WDR43: variants seen among roughly 807,000 people sequenced by gnomAD.
The protein encoded by WDR43 is WD repeat-containing protein 43.
A neutral mutation model predicts 91.4 loss-of-function variants in WDR43; 13 were observed. The observed-to-expected ratio is 0.14, with a 90% CI of 0.09 to 0.23. The LOEUF (loss-of-function observed/expected upper bound fraction) is 0.23, where lower values mean the gene tolerates loss of function less well. WDR43 is among the 10% of genes least tolerant of loss of function. The probability of loss-of-function intolerance (pLI) is 1.00; values close to 1 mark genes in which losing one functional copy is unlikely to be tolerated. For synonymous variants in WDR43, 331 were observed against 287.9 expected (o/e 1.15, Z -1.51); for missense variants, 780 against 809.4 (o/e 0.96, Z 0.44).
At chr2:28,911,452 C>G (rs1215118525) in intron 3 of WDR43, among the ~76,000 whole-genome samples, 2 of 151,988 alleles carry the variant, frequency 1.3e-5, no homozygotes, top group South Asian at 4.2e-4. Context: ...CTCCATCATG[C>G]CTGGCTAATT....
At chr2:28,914,348 C>A in intron 5 of WDR43, 140 bp downstream of exon 5, 3 of 1,120,950 alleles carry the variant, frequency 2.7e-6, no homozygotes, top group South Asian at 2.2e-5. Context: ...AAAAATTGAG[C>A]CTGCCTACAA....
chr2:28,903,626 G>C lies in WDR43; in HGVS notation c.363+1502G>C, dbSNP rs368311177. ...GCATTCAGAGATCCATCTCAAGAAA[G>C]CATTCTTCCCTATATTCTTCCCCCC... On this transcript the variant is annotated intron_variant, in intron 2 of 17. Transcript: ENST00000407426. Among the ~76,000 whole-genome samples, 27 of 152,294 alleles carry C rather than the reference G, an allele frequency of 1.8e-4. No homozygotes were observed. In the East Asian group the frequency reaches 4.4e-3, roughly 25 times the overall value.
At position 28,908,532 on chromosome 2, in the gene WDR43, T is replaced by G. The variant is rs141537998; in HGVS notation, c.485+1951T>G. ...AGGTCACAAAGATAGGTCCTTCACA[T>G]AGGGACTAGTAATGTTCAAAGAGCC... is the stretch of plus-strand genomic sequence containing the variant. On this transcript the variant is annotated intron_variant, in intron 3 of 17. Transcript: ENST00000407426. Among the ~76,000 whole-genome samples, 209 of 152,294 alleles carry G rather than the reference T, an allele frequency of 1.4e-3. 1 individual carries two copies. Among genetic ancestry groups the G allele is most frequent in the African/African-American group, 4.4e-3 (184 of 41,550 alleles).
Position 28,939,923 on chromosome 2 carries a change from C to T in WDR43, c.1621-1538C>T, listed in dbSNP as rs982348644. On this transcript the variant is annotated intron_variant, in intron 14 of 17. Coordinates refer to ENST00000407426, the MANE Select transcript of WDR43 (RefSeq NM_015131.3). ...GAGATCAAGACCATCCTTTCTAACA[C>T]GGTGAAACCCCGTCTCTACTAAAAA... Among the ~76,000 whole-genome samples the T allele has an allele frequency of 9.2e-5, 14 of 151,750 alleles. No individual in the cohort carries two copies. The South Asian group carries it at 1.0e-3, about 11-fold the overall frequency.
intron 3 of WDR43, among the ~76,000 whole-genome samples, chr2:28,909,712 A>G (rs1670753173): frequency 6.6e-6 from 1 of 152,100 alleles, no homozygotes; most frequent in Admixed American, 6.6e-5. Context: ...CCTCTCTACA[A>G]AAATGAAAAA....
At chr2:28,906,169 G>A (rs77251620) in intron 2 of WDR43, among the ~76,000 whole-genome samples, 1 of 151,806 alleles carries the variant, frequency 6.6e-6, no homozygotes. Flanking sequence ...TTAAAAAAAA[G>A]AAGAGTTGAC....
At chr2:28,932,684 A>G (rs555515341) in intron 11 of WDR43, among the ~76,000 whole-genome samples, 7 of 152,360 alleles carry the variant, frequency 4.6e-5, no homozygotes, top group Admixed American at 3.3e-4. Flanking sequence ...TGACAGGGAT[A>G]CAACATGGCA....
intron 16 of WDR43, among the ~76,000 whole-genome samples, chr2:28,945,012 T>C (rs778529715): frequency 1.3e-5 from 2 of 152,186 alleles, no homozygotes; most frequent in Non-Finnish European, 2.9e-5. Flanking sequence ...GGAACACATA[T>C]TGGGGGAACT....
In WDR43 at chr2:28,915,826, A is replaced by G. The variant is rs573476708; in HGVS notation, c.746+1618A>G. On this transcript the variant is annotated intron_variant, in intron 5 of 17. Transcript: ENST00000407426. ...ATACTGTGCAGTGGTCTGATGGCAGAGATTTTGAGCATACATGAATGACTT... is the reference window on the plus strand; with the variant it reads ...ATACTGTGCAGTGGTCTGATGGCAGGGATTTTGAGCATACATGAATGACTT... Among the ~76,000 whole-genome samples, 21 of 152,324 alleles carry G rather than the reference A, an allele frequency of 1.4e-4. No homozygotes were observed. The South Asian group carries it at 3.5e-3, about 26-fold the overall frequency.
At chr2:28,915,588 A>T (rs1158352995) in intron 5 of WDR43, among the ~76,000 whole-genome samples, 21 of 152,232 alleles carry the variant, frequency 1.4e-4, no homozygotes, top group Admixed American at 1.4e-3. Context: ...AAAATTAACC[A>T]CACACACAAA....
At position 28,926,445 on chromosome 2, in the gene WDR43, C is replaced by T. The variant is rs1395327500; in HGVS notation, c.1087-23C>T. ...TTTTTTTCTTTCCTCTCATCTTCCC[C>T]TTTAAAAAAAATATATTTTCAGGCT... On this transcript the variant is annotated intron_variant, in intron 8 of 17. Transcript: ENST00000407426. The T allele has an allele frequency of 3.3e-6, 5 of 1,493,574 alleles. No homozygotes were observed. In the African/African-American group the frequency reaches 7.0e-5, roughly 21 times the overall value. 92.5% of individuals were successfully genotyped at this position (1,493,574 alleles called of 1,614,324 possible).
chr2:28,933,438 A>G (rs746446007), intron 11 of WDR43, among the ~76,000 whole-genome samples: 2 of 152,244 alleles, frequency 1.3e-5, no homozygotes, highest in African/African-American at 2.4e-5. Context: ...CTTCTGGGAA[A>G]AAACAGGAGA....
chr2:28,894,682 G>C lies in WDR43; in HGVS notation c.-17G>C, dbSNP rs764309718. On this transcript the variant is annotated 5_prime_UTR_variant, in exon 1 of 18. Coordinates refer to ENST00000407426, the MANE Select transcript of WDR43 (RefSeq NM_015131.3). ...GCGCACGGACGAACACGTGGCTGCA[G>C]CGGGGCCAGAGCAGCAATGGCGGCG... The C allele has an allele frequency of 1.3e-6, 2 of 1,543,666 alleles. No individual in the cohort carries two copies. Among genetic ancestry groups the C allele is most frequent in the East Asian group, 2.4e-5 (1 of 41,076 alleles).
Position 28,901,881 on chromosome 2 carries a change from C to A in WDR43, c.226-106C>A, listed in dbSNP as rs974509523. 8 of 1,115,590 alleles carry A rather than the reference C, an allele frequency of 7.2e-6. No homozygotes were observed. In the African/African-American group the frequency reaches 8.1e-5, roughly 11 times the overall value. The allele number at this position is 1,115,590 out of a possible 1,614,324, so 69.1% of individuals were successfully genotyped here. A position where few individuals can be genotyped will look rare whatever the true frequency, so the allele number is the denominator to read the frequency against. On this transcript the variant is annotated intron_variant, in intron 1 of 17. Coordinates refer to ENST00000407426, the MANE Select transcript of WDR43 (RefSeq NM_015131.3). ...TCACCCAATAGCTTCTCTCTTCCCC[C>A]CTTTTAAAATGTCTTTTGTGGGCTG...
intron 3 of WDR43, among the ~76,000 whole-genome samples, chr2:28,908,656 C>T (rs1295234133): frequency 6.6e-5 from 10 of 152,150 alleles, no homozygotes; most frequent in Non-Finnish European, 1.0e-4. Flanking sequence ...AAGAGCCTGA[C>T]CTCTCATACA....
At chr2:28,900,234 C>A (rs2148177372) in intron 1 of WDR43, among the ~76,000 whole-genome samples, 1 of 152,248 alleles carries the variant, frequency 6.6e-6, no homozygotes, top group African/African-American at 2.4e-5. Context: ...GTCGCCCAGG[C>A]TGGAGTGTAG....
In WDR43 at chr2:28,926,573, T is replaced by TTTAA; in HGVS notation, c.1173+19_1173+20insTTAA. The stretch of plus-strand genomic sequence containing the variant: ...AACAAAGGTGAGCACATTACAAATT[T>TTTAA]GAAGTTTTAAGAAAAAGAATATTTC... On this transcript the variant is annotated intron_variant, in intron 9 of 17. Coordinates refer to ENST00000407426, the MANE Select transcript of WDR43 (RefSeq NM_015131.3). The TTTAA allele has an allele frequency of 1.9e-6, 3 of 1,558,770 alleles. No homozygotes were observed. Among genetic ancestry groups the TTTAA allele is most frequent in the Non-Finnish European group, 2.6e-6 (3 of 1,150,370 alleles).
At chr2:28,905,492 CAT>C (rs1670662124) in intron 2 of WDR43, among the ~76,000 whole-genome samples, 1 of 152,136 alleles carries the variant, frequency 6.6e-6, no homozygotes, top group African/African-American at 2.4e-5. Context: ...TGTTTTGAGA[CAT>C]AGCTTTGGTA....
In WDR43 at chr2:28,947,704, A is replaced by G. The variant is rs1331487349; in HGVS notation, c.*925A>G. The G allele has an allele frequency of 6.6e-6, 1 of 151,826 alleles. No homozygotes were observed. The highest frequency in any genetic ancestry group is 1.9e-4 in the East Asian group (1 of 5,200). 9.4% of individuals were successfully genotyped at this position (151,826 alleles called of 1,614,324 possible). Reference sequence around the variant, plus strand: ...TTTTTTTTCCAAAGAAAATATTTTTATAATTAAATAATTTAATGTTTTTCT... The same window carrying G: ...TTTTTTTTCCAAAGAAAATATTTTTGTAATTAAATAATTTAATGTTTTTCT... On this transcript the variant is annotated 3_prime_UTR_variant, in exon 18 of 18. Coordinates refer to ENST00000407426, the MANE Select transcript of WDR43 (RefSeq NM_015131.3).
Sources: allele counts gnomAD v4.1 joint callset (sites outside exome capture counted in the v4.1 genomes callset), GRCh38; gene constraint gnomAD v4.1.1; transcripts MANE v1.5; gene names NCBI Gene and HGNC (gene_info 2026-07-23, HGNC 2026-07-21).